TXLNB: variants seen among roughly 807,000 people sequenced by gnomAD.
TXLNB encodes taxilin beta.
A neutral mutation model predicts 57.4 loss-of-function variants in TXLNB; 37 were observed. That is an observed-to-expected ratio of 0.64 (90% confidence interval 0.50 to 0.85). The LOEUF (loss-of-function observed/expected upper bound fraction) is 0.85, where lower values mean the gene tolerates loss of function less well. Ranked by LOEUF, TXLNB falls within the 40% of genes least tolerant of loss-of-function variation. The pLI is 0.00. For synonymous variants in TXLNB, 302 were observed against 309.6 expected (o/e 0.98, Z 0.26); for missense variants, 848 against 825.6 (o/e 1.03, Z -0.33).
chr6:139,322,860 C>G, the TXLNB span, among the ~76,000 whole-genome samples: 1 of 152,192 alleles, frequency 6.6e-6, no homozygotes, highest in Non-Finnish European at 1.5e-5. Flanking sequence ...CCTCCTCTTG[C>G]CTGTATGTTG....
chr6:139,286,156 A>G (rs1459049809), intron 2 of TXLNB, among the ~76,000 whole-genome samples: 3 of 151,858 alleles, frequency 2.0e-5, no homozygotes, highest in Non-Finnish European at 4.4e-5. Flanking sequence ...TATTAGAAAA[A>G]ACAGTAAAAT....
the TXLNB span, among the ~76,000 whole-genome samples, chr6:139,216,819 G>T: frequency 1.4e-4 from 21 of 152,106 alleles, no homozygotes; most frequent in African/African-American, 4.8e-4. Context: ...AAGCTATGAG[G>T]ATGCAAAGGC....
At chr6:139,309,754 T>A in the TXLNB span, among the ~76,000 whole-genome samples, 1 of 152,140 alleles carries the variant, frequency 6.6e-6, no homozygotes, top group African/African-American at 2.4e-5. Context: ...TGAGACTCTG[T>A]CTCTATTTAG....
chr6:139,276,412 C>A (rs1321703879), intron 3 of TXLNB, among the ~76,000 whole-genome samples: 1 of 152,210 alleles, frequency 6.6e-6, no homozygotes, highest in African/African-American at 2.4e-5. Flanking sequence ...TTTTTCTCAA[C>A]ATGACACCAA....
chr6:139,186,546 G>A, the TXLNB span, among the ~76,000 whole-genome samples: 9 of 152,180 alleles, frequency 5.9e-5, no homozygotes, highest in Admixed American at 4.6e-4. Flanking sequence ...TACACTGCTG[G>A]TGGGACAGTT....
Position 139,276,823 on chromosome 6 carries a change from A to T in TXLNB, c.516+7T>A, listed in dbSNP as rs1776908882. 1.2e-6 allele frequency: 2 copies of T among 1,602,694 alleles called. No homozygotes were observed. The highest frequency in any genetic ancestry group is 1.7e-6 in the Non-Finnish European group (2 of 1,175,000). ...TTCTGAGAAAAGAAGCTAATCCAAG[A>T]TCTTACCAATTCAGCATACTTCTTG... On this transcript the variant is annotated splice_region_variant and intron_variant, in intron 3 of 9. Transcript: ENST00000358430.
At chr6:139,194,055 A>T in the TXLNB span, among the ~76,000 whole-genome samples, 3 of 151,252 alleles carry the variant, frequency 2.0e-5, no homozygotes, top group African/African-American at 7.3e-5. Context: ...GTTAGCCAGG[A>T]TGGTCTCGAT....
At chr6:139,164,849 T>A in the TXLNB span, among the ~76,000 whole-genome samples, 2 of 138,860 alleles carry the variant, frequency 1.4e-5, no homozygotes, top group Non-Finnish European at 3.0e-5. Context: ...TGGCAACAGG[T>A]TTCCTTCCTT....
At chr6:139,174,325 T>C in the TXLNB span, 1 of 1,544,540 alleles carries the variant, frequency 6.5e-7, no homozygotes. Context: ...TTTTATCTCC[T>C]TGGAGATGAA....
chr6:139,167,935 GT>G, the TXLNB span, among the ~76,000 whole-genome samples: 1 of 152,106 alleles, frequency 6.6e-6, no homozygotes, highest in African/African-American at 2.4e-5. Context: ...ATGACACGAG[GT>G]TGGTTAGTAT....
At chr6:139,184,212 G>A in the TXLNB span, among the ~76,000 whole-genome samples, 1 of 152,248 alleles carries the variant, frequency 6.6e-6, no homozygotes, top group East Asian at 1.9e-4. Flanking sequence ...AAGTAAGTGA[G>A]AGGAGCCTTG....
At chr6:139,167,059 C>G in the TXLNB span, 2 of 1,614,094 alleles carry the variant, frequency 1.2e-6, no homozygotes, top group African/African-American at 1.3e-5. Context: ...GGCTGGACCT[C>G]TCCGAACTCC....
the TXLNB span, among the ~76,000 whole-genome samples, chr6:139,298,258 C>T: frequency 3.3e-5 from 5 of 152,186 alleles, no homozygotes; most frequent in South Asian, 2.1e-4. Flanking sequence ...AGAGCCCCAC[C>T]TCTTAAGTAG....
chr6:139,170,976 C>T, the TXLNB span, among the ~76,000 whole-genome samples: 3 of 151,928 alleles, frequency 2.0e-5, no homozygotes, highest in Non-Finnish European at 1.5e-5. Context: ...AAACAAAATT[C>T]ACTTTGTTTC....
the TXLNB span, among the ~76,000 whole-genome samples, chr6:139,224,023 A>T: frequency 1.4e-5 from 2 of 147,784 alleles, no homozygotes; most frequent in Non-Finnish European, 3.0e-5. Flanking sequence ...ACTATTCACA[A>T]TAGCAAAGAC....
At chr6:139,292,063 T>G (rs371089809), upstream of TXLNB, 1 of 131,418 alleles carries the variant, frequency 7.6e-6, no homozygotes, top group African/African-American at 3.3e-5. The surrounding 1 kb of genome is among the most constrained non-coding windows in gnomAD (Gnocchi z 4.0). Context: ...CACACACACA[T>G]ACACACGTGC....
At chr6:139,224,139 C>G in the TXLNB span, among the ~76,000 whole-genome samples, 1 of 150,006 alleles carries the variant, frequency 6.7e-6, no homozygotes, top group African/African-American at 2.5e-5. Context: ...AGTTCATGTC[C>G]TTTGTAGGGA....
the TXLNB span, among the ~76,000 whole-genome samples, chr6:139,190,305 C>CTTTTTTTT: frequency 1.7e-4 from 18 of 108,880 alleles, no homozygotes; most frequent in South Asian, 2.8e-4. Context: ...TTCTTTCTTT[C>CTTTTTTTT]TTTCTTTTTT....
At chr6:139,194,461 T>C in the TXLNB span, among the ~76,000 whole-genome samples, 16 of 152,358 alleles carry the variant, frequency 1.1e-4, no homozygotes, top group Admixed American at 9.8e-4. Context: ...CCATTTCAAT[T>C]ACTGACAAGT....
Sources: allele counts gnomAD v4.1 joint callset (sites outside exome capture counted in the v4.1 genomes callset), GRCh38; gene constraint gnomAD v4.1.1; non-coding constraint Gnocchi (gnomAD v3.1); transcripts MANE v1.5; gene names NCBI Gene and HGNC (gene_info 2026-07-23, HGNC 2026-07-21).